The following RABGAP1 variants were observed in gnomAD, a reference collection of about 807,000 sequenced individuals.
The protein encoded by RABGAP1 is rab GTPase-activating protein 1.
RABGAP1 carries 23 observed loss-of-function variants against 137.6 expected under a neutral mutation model. The ratio of observed to expected loss-of-function variants is 0.17; its 90% CI spans 0.12 to 0.24. The LOEUF is 0.24. RABGAP1 is among the 10% of genes least tolerant of loss of function. The pLI, the probability that RABGAP1 is intolerant of heterozygous loss-of-function variation, is 1.00. For missense variants in RABGAP1, 906 were observed against 1,275.8 expected (o/e 0.71, Z 4.42); for synonymous variants, 451 against 450.7 (o/e 1.00, Z -0.01).
intron 2 of RABGAP1, among the ~76,000 whole-genome samples, chr9:122,982,787 G>T (rs1049394463): frequency 6.6e-6 from 1 of 152,128 alleles, no homozygotes; most frequent in African/African-American, 2.4e-5. Flanking sequence ...TGTAGTCACA[G>T]TTCCTGGGGA....
chr9:123,032,069 A>T lies in RABGAP1; in HGVS notation c.1794+11610A>T, dbSNP rs140280399. ...GTATGACCTAGAACTGTATAGCCTC[A>T]GTAAGAGCAGGCCCTTCAGGATTCA... On this transcript the variant is annotated intron_variant, in intron 13 of 25. Coordinates refer to ENST00000373647, the MANE Select transcript of RABGAP1 (RefSeq NM_012197.4). 3.9e-5 allele frequency among the ~76,000 whole-genome samples: 6 copies of T among 152,342 alleles called. No individual in the cohort carries two copies. The East Asian group carries it at 1.2e-3, about 29-fold the overall frequency.
At chr9:123,068,468 A>G (rs1390421466) in intron 14 of RABGAP1, among the ~76,000 whole-genome samples, 3 of 152,078 alleles carry the variant, frequency 2.0e-5, no homozygotes, top group Non-Finnish European at 4.4e-5. Context: ...CTGTTAATGG[A>G]TATCTTCAAA....
intron 1 of RABGAP1, among the ~76,000 whole-genome samples, chr9:122,951,740 T>C (rs1181965606): frequency 6.6e-6 from 1 of 152,158 alleles, no homozygotes; most frequent in African/African-American, 2.4e-5. Flanking sequence ...TGACTAATTT[T>C]TAAATATCTT....
At chr9:122,933,440 AATTATTATTATT>A in the RABGAP1 span, among the ~76,000 whole-genome samples, 2 of 146,054 alleles carry the variant, frequency 1.4e-5, no homozygotes, top group Non-Finnish European at 3.0e-5. Flanking sequence ...TTTTTCATTA[AATTATTATTATT>A]ATTATTATTA....
intron 14 of RABGAP1, 134 bp downstream of exon 14, chr9:123,065,595 G>A: frequency 1.4e-6 from 1 of 713,044 alleles, no homozygotes; most frequent in South Asian, 1.6e-5. Context: ...ACATTGCAAA[G>A]TCAAAGGTGA....
At chr9:123,005,013 G>A (rs1405538425) in intron 10 of RABGAP1, among the ~76,000 whole-genome samples, 3 of 138,836 alleles carry the variant, frequency 2.2e-5, no homozygotes, top group East Asian at 4.8e-4. Context: ...CCGAGATCGC[G>A]CCATTGCACT....
rs1349057154 is a variant in RABGAP1, at chr9:122,971,581, A to G, written c.151-12904A>G. 2.0e-5 allele frequency: 3 copies of G among 152,228 alleles called. No homozygotes were observed. In the East Asian group the frequency reaches 5.8e-4, roughly 29 times the overall value. 9.4% of individuals were successfully genotyped at this position (152,228 alleles called of 1,614,324 possible). ...AAAATCATTAAAGACTTAAAGCAAA[A>G]TTAGAAAACATTTAAAAAGAACAAA... is the stretch of plus-strand genomic sequence containing the variant. On this transcript the variant is annotated intron_variant, in intron 2 of 25. Transcript: ENST00000373647.
In RABGAP1 at chr9:122,954,840, G is replaced by A. The variant is rs1313015195; in HGVS notation, c.-49-2171G>A. ...ATAACTGGGTTTAATTTTTGACTTT[G>A]ACTCTAACCACATTACATTGAACAA... On this transcript the variant is annotated intron_variant, in intron 1 of 25. Coordinates refer to ENST00000373647, the MANE Select transcript of RABGAP1 (RefSeq NM_012197.4). Among the ~76,000 whole-genome samples, 3 of 152,110 alleles carry A rather than the reference G, an allele frequency of 2.0e-5. No individual in the cohort carries two copies. The East Asian group carries it at 5.8e-4, about 29-fold the overall frequency.
chr9:123,035,903 A>G (rs1364326317), intron 13 of RABGAP1, among the ~76,000 whole-genome samples: 1 of 152,182 alleles, frequency 6.6e-6, no homozygotes, highest in East Asian at 1.9e-4. Context: ...TCAGATTTAA[A>G]ATGAATAAAG....
intron 2 of RABGAP1, among the ~76,000 whole-genome samples, chr9:122,959,484 ACTC>A (rs1410139670): frequency 1.3e-5 from 2 of 151,992 alleles, no homozygotes; most frequent in African/African-American, 4.8e-5. Context: ...AGCATGTTCT[ACTC>A]CTCAGCAGAA....
In RABGAP1 at chr9:122,964,338, G is replaced by A. The variant is rs1835011974; in HGVS notation, c.150+7129G>A. ...AAATACTAGCAAAGTGAATTCAGCT[G>A]GTATATAAATATAAAAAAGATTACA... On this transcript the variant is annotated intron_variant, in intron 2 of 25. Coordinates refer to ENST00000373647, the MANE Select transcript of RABGAP1 (RefSeq NM_012197.4). Among the ~76,000 whole-genome samples, 3 of 151,962 alleles carry A rather than the reference G, an allele frequency of 2.0e-5. No homozygotes were observed. In the South Asian group the frequency reaches 6.2e-4, roughly 32 times the overall value.
intron 2 of RABGAP1, among the ~76,000 whole-genome samples, chr9:122,979,392 A>G (rs890344883): frequency 4.6e-5 from 7 of 152,188 alleles, no homozygotes; most frequent in Non-Finnish European, 1.0e-4. Flanking sequence ...TTCATCAGAT[A>G]TATGACTTGC....
At chr9:123,027,158 C>T (rs1247836930) in intron 13 of RABGAP1, among the ~76,000 whole-genome samples, 2 of 148,190 alleles carry the variant, frequency 1.3e-5, no homozygotes, top group Non-Finnish European at 3.0e-5. Context: ...CGCTCTGTTG[C>T]CAGGCTGGAG....
chr9:123,036,287 A>T (rs369655669), intron 13 of RABGAP1, among the ~76,000 whole-genome samples: 2 of 152,328 alleles, frequency 1.3e-5, no homozygotes, highest in African/African-American at 4.8e-5. Flanking sequence ...TTTATGAAAA[A>T]CTGAGCTACT....
chr9:123,090,418 A>C, intron 21 of RABGAP1, 33 bp downstream of exon 21: 682 of 1,473,232 alleles, frequency 4.6e-4, no homozygotes, highest in Non-Finnish European at 5.8e-4. Flanking sequence ...GAAAGATCTC[A>C]CTGAGACACT....
Position 122,984,617 on chromosome 9 carries a change from C to T in RABGAP1, c.283C>T (p.Pro95Ser), listed in dbSNP as rs1564378358. The T allele has an allele frequency of 1.9e-6, 3 of 1,614,026 alleles. No individual in the cohort carries two copies. The highest frequency in any genetic ancestry group is 1.7e-6 in the Non-Finnish European group (2 of 1,180,038). ...RSQLDGEGDG[P>S]LSNQLSASST... ...ACAACTGGATGGTGAAGGAGATGGG[C>T]CTCTTTCTAATCAGCTCTCCGCTTC... Residue 95 changes from proline (P) to serine (S), a missense_variant, in exon 3 of 26, where the codon CCT (proline) becomes TCT (serine). Physicochemically the swap from Pro to Ser is moderately conservative, Grantham distance 74. Coordinates refer to ENST00000373647, the MANE Select transcript of RABGAP1 (RefSeq NM_012197.4).
chr9:123,024,726 C>T (rs1209174797), intron 13 of RABGAP1, among the ~76,000 whole-genome samples: 2 of 152,200 alleles, frequency 1.3e-5, no homozygotes, highest in African/African-American at 2.4e-5. Context: ...GCATGAGCCA[C>T]TGCATGTGGC....
intron 19 of RABGAP1, among the ~76,000 whole-genome samples, chr9:123,079,366 A>G (rs1461478680): frequency 6.7e-6 from 1 of 149,312 alleles, no homozygotes; most frequent in Non-Finnish European, 1.5e-5. Flanking sequence ...CAACCTCCCA[A>G]GTAACTGAGA....
In RABGAP1 at chr9:122,986,359, A is replaced by G. The variant is rs1298992452; in HGVS notation, c.530A>G (p.Gln177Arg). 1.9e-6 allele frequency: 3 copies of G among 1,614,186 alleles called. No individual in the cohort carries two copies. The highest frequency in any genetic ancestry group is 2.5e-6 in the Non-Finnish European group (3 of 1,180,016). ...ALRMMSILRS[Q>R]CQISLDVTLS... is the part of the protein sequence containing the mutation. ...AGGATGATGTCCATCTTAAGAAGCC[A>G]GTGTCAGATTTCACTAGATGTTACC... The change falls in exon 4 of 26, where the codon CAG (glutamine) becomes CGG (arginine). Residue 177 changes from glutamine to arginine, a missense_variant. Transcript: ENST00000373647.
Sources: gnomAD v4.1 joint callset for allele counts (sites outside exome capture counted in the v4.1 genomes callset) on GRCh38, gnomAD v4.1.1 for gene constraint, MANE v1.5 for transcripts, NCBI Gene and HGNC (gene_info 2026-07-23, HGNC 2026-07-21) for gene names.